The following FAM171B variants were observed in gnomAD, a reference collection of about 807,000 sequenced individuals.
FAM171B encodes the protein family with sequence similarity 171 member B.
Under a neutral mutation model 75.6 loss-of-function variants are expected in FAM171B, and 19 were observed. The observed-to-expected ratio is 0.25, with a 90% confidence interval of 0.18 to 0.37. The LOEUF is 0.37. Among genes scored for constraint, FAM171B ranks in the 10% least tolerant of loss-of-function variants. The probability of loss-of-function intolerance (pLI) is 1.00; values close to 1 mark genes in which losing one functional copy is unlikely to be tolerated. For missense variants in FAM171B, 848 were observed against 982.4 expected (o/e 0.86, Z 1.83); for synonymous variants, 367 against 361.7 (o/e 1.01, Z -0.17).
intron 1 of FAM171B, among the ~76,000 whole-genome samples, chr2:186,727,069 C>A (rs1183132460): frequency 6.6e-6 from 1 of 152,046 alleles, no homozygotes. Context: ...TTCCCTCTCT[C>A]CCCCCACCCC....
chr2:186,744,830 A>ATTTTT (rs71017339), intron 3 of FAM171B, among the ~76,000 whole-genome samples: 1 of 127,668 alleles, frequency 7.8e-6, no homozygotes. Flanking sequence ...CCTGACCAGC[A>ATTTTT]TTTTTTTTTT....
intron 4 of FAM171B, among the ~76,000 whole-genome samples, chr2:186,749,064 G>C (rs904261749): frequency 1.3e-5 from 2 of 152,142 alleles, no homozygotes; most frequent in African/African-American, 2.4e-5. Flanking sequence ...TTCTAGAGCA[G>C]TGCTGCCAAA....
intron 6 of FAM171B, among the ~76,000 whole-genome samples, chr2:186,756,207 A>G (rs1690529733): frequency 6.6e-6 from 1 of 152,220 alleles, no homozygotes; most frequent in East Asian, 1.9e-4. Flanking sequence ...TGAGTACTAA[A>G]ATAAAAGTAT....
rs377115955 is a variant in FAM171B, at chr2:186,751,314, C to T, written c.895+10C>T. The T allele has an allele frequency of 6.5e-7, 1 of 1,537,082 alleles. No homozygotes were observed. Among genetic ancestry groups the T allele is most frequent in the African/African-American group, 1.4e-5 (1 of 73,486 alleles). ...TTTGATATGAACACAGGTATGTGAG[C>T]TAGGTTAAAATAGTCTGAATATTTT... On this transcript the variant is annotated intron_variant, in intron 5 of 7. Transcript: ENST00000304698.
rs964095765 is a variant in FAM171B at position 186,763,500 on chromosome 2, A to T, written c.*677A>T. Reference sequence around the variant, plus strand: ...AAAATAAGTAAGATGTTAATTTAGAAATTTGAGAAATTAATGCTCTAATAC... The same window carrying T: ...AAAATAAGTAAGATGTTAATTTAGATATTTGAGAAATTAATGCTCTAATAC... On this transcript the variant is annotated 3_prime_UTR_variant, in exon 8 of 8. Coordinates refer to ENST00000304698, the MANE Select transcript of FAM171B (RefSeq NM_177454.4). 2 of 152,246 alleles carry T rather than the reference A, an allele frequency of 1.3e-5. No individual in the cohort carries two copies. The highest frequency in any genetic ancestry group is 2.9e-5 in the Non-Finnish European group (2 of 67,982). 9.4% of individuals were successfully genotyped at this position (152,246 alleles called of 1,614,324 possible). A position where few individuals can be genotyped will look rare whatever the true frequency, so the allele number is the denominator to read the frequency against.
chr2:186,721,954 T>C (rs1431442200), intron 1 of FAM171B, among the ~76,000 whole-genome samples: 1 of 152,134 alleles, frequency 6.6e-6, no homozygotes, highest in African/African-American at 2.4e-5. Context: ...TTTGCCAACG[T>C]TGGAATAAGA....
rs1690690772 is a variant in FAM171B at position 186,765,801 on chromosome 2, C to G, written c.*2978C>G. ...AATTGACATTTTGCCTTCTTGTTTCCAGGTGTTTCTATTTTTTGTATTCTT... is the reference window on the plus strand; with the variant it reads ...AATTGACATTTTGCCTTCTTGTTTCGAGGTGTTTCTATTTTTTGTATTCTT... On this transcript the variant is annotated 3_prime_UTR_variant, in exon 8 of 8. Transcript: ENST00000304698. 1 of 151,926 alleles carries G rather than the reference C, an allele frequency of 6.6e-6. No homozygotes were observed. Among genetic ancestry groups the G allele is most frequent in the South Asian group, 2.1e-4 (1 of 4,826 alleles). 9.4% of individuals were successfully genotyped at this position (151,926 alleles called of 1,614,324 possible).
At chr2:186,743,440 C>G (rs777500589) in intron 2 of FAM171B, 43 bp from the exon 3 acceptor site, 1 of 1,396,998 alleles carries the variant, frequency 7.2e-7, no homozygotes, top group South Asian at 1.2e-5. Flanking sequence ...GTTTTTTTCC[C>G]CTCACATTAA....
In FAM171B at chr2:186,762,123, A is replaced by T; in HGVS notation, c.1781A>T (p.His594Leu). 6.2e-7 allele frequency: 1 copy of T among 1,613,416 alleles called. No homozygotes were observed. Among genetic ancestry groups the T allele is most frequent in the South Asian group, 1.1e-5 (1 of 91,080 alleles). The change falls in exon 8 of 8, where the codon CAT becomes CTT. Residue 594 changes from histidine to leucine, a missense_variant. Physicochemically the swap from His to Leu is moderately conservative, Grantham distance 99 (BLOSUM62 -3). Coordinates refer to ENST00000304698, the MANE Select transcript of FAM171B (RefSeq NM_177454.4). This position sits in a 1 kb window ranked among gnomAD's most constrained non-coding sequence, Gnocchi z 4.0. ...TTGCCCAAAATGCCAATTCATTCTC[A>T]TGCACAGCCCCCAGATGCCAGGGAA... ...QTLPKMPIHS[H>L]AQPPDAREED...
intron 2 of FAM171B, among the ~76,000 whole-genome samples, chr2:186,741,755 T>A (rs895454034): frequency 5.9e-5 from 9 of 152,268 alleles, no homozygotes; most frequent in South Asian, 2.1e-4. Flanking sequence ...ATTTTTGAAA[T>A]GTATGTGTCA....
At chr2:186,751,044 A>G in intron 4 of FAM171B, 90 bp from the exon 5 acceptor site, 1 of 968,794 alleles carries the variant, frequency 1.0e-6, no homozygotes, top group African/African-American at 1.6e-5. Context: ...CCTTGGTGAA[A>G]TAGAGGAACT....
At chr2:186,708,716 T>C (rs762246414) in intron 1 of FAM171B, among the ~76,000 whole-genome samples, 1 of 152,224 alleles carries the variant, frequency 6.6e-6, no homozygotes, top group Non-Finnish European at 1.5e-5. Context: ...TCTGACATAT[T>C]AACAATTATA....
intron 1 of FAM171B, among the ~76,000 whole-genome samples, chr2:186,711,768 T>G (rs1380659631): frequency 6.6e-6 from 1 of 152,226 alleles, no homozygotes; most frequent in East Asian, 1.9e-4. Context: ...ATTTTAAATC[T>G]GTTGACACTT....
At chr2:186,718,419 G>T (rs1248649199) in intron 1 of FAM171B, among the ~76,000 whole-genome samples, 1 of 151,956 alleles carries the variant, frequency 6.6e-6, no homozygotes, top group Non-Finnish European at 1.5e-5. Context: ...CCTTCTTTCT[G>T]ATGTACCCTT....
chr2:186,755,920 T>C (rs191658561), intron 6 of FAM171B, among the ~76,000 whole-genome samples: 1 of 152,352 alleles, frequency 6.6e-6, no homozygotes, highest in East Asian at 1.9e-4. Flanking sequence ...TATCATACAA[T>C]CTTGCCAGCT....
At chr2:186,758,342 T>TA (rs1255548532) in intron 6 of FAM171B, among the ~76,000 whole-genome samples, 1 of 152,192 alleles carries the variant, frequency 6.6e-6, no homozygotes, top group Non-Finnish European at 1.5e-5. Flanking sequence ...TCTACATGCA[T>TA]AACTGCAATA....
At chr2:186,752,135 A>G (rs990513258) in intron 5 of FAM171B, among the ~76,000 whole-genome samples, 3 of 152,196 alleles carry the variant, frequency 2.0e-5, no homozygotes, top group African/African-American at 7.2e-5. Context: ...AGCTATATAT[A>G]GCAGAAGCCC....
Position 186,747,186 on chromosome 2 carries a change from T to G in FAM171B, c.660T>G (p.Val220=). 1.2e-6 allele frequency: 2 copies of G among 1,606,942 alleles called. No individual in the cohort carries two copies. Among genetic ancestry groups the G allele is most frequent in the Non-Finnish European group, 1.7e-6 (2 of 1,177,372 alleles). ...HISNVTGYLT[V]LQQFLKVDNF... The stretch of plus-strand genomic sequence containing the variant: ...GCAACGTTACTGGCTATCTTACAGT[T>G]CTACAACAGTTTTTGAAAGTGGACA... Residue 220 remains valine, a synonymous_variant, in exon 4 of 8, where the codon GTT becomes GTG. Transcript: ENST00000304698.
chr2:186,742,987 C>T (rs945155887), intron 2 of FAM171B, among the ~76,000 whole-genome samples: 2 of 152,164 alleles, frequency 1.3e-5, no homozygotes, highest in African/African-American at 2.4e-5. Context: ...TCTCTGCCAA[C>T]TCAGGATCCT....
Sources: allele counts gnomAD v4.1 joint callset (sites outside exome capture counted in the v4.1 genomes callset), GRCh38; gene constraint gnomAD v4.1.1; non-coding constraint Gnocchi (gnomAD v3.1); transcripts MANE v1.5; gene names NCBI Gene and HGNC (gene_info 2026-07-23, HGNC 2026-07-21).